LRRC72: variants seen among roughly 807,000 people sequenced by gnomAD.
LRRC72 encodes leucine-rich repeat-containing protein 72.
A neutral mutation model predicts 35.8 loss-of-function variants in LRRC72; 41 were observed. That is an observed-to-expected ratio of 1.15 (90% CI 0.89 to 1.49). The LOEUF (loss-of-function observed/expected upper bound fraction) is 1.49. LRRC72 is among the 40% of genes most tolerant of loss of function. The probability of loss-of-function intolerance (pLI) is 0.00; values close to 1 mark genes in which losing one functional copy is unlikely to be tolerated. For missense variants in LRRC72, 389 were observed against 330.7 expected (o/e 1.18, Z -1.37); for synonymous variants, 118 against 119.2 (o/e 0.99, Z 0.07).
intron 5 of LRRC72, among the ~76,000 whole-genome samples, chr7:16,564,666 T>C (rs1285811288): frequency 6.6e-6 from 1 of 152,216 alleles, no homozygotes; most frequent in African/African-American, 2.4e-5. Context: ...GTGTCTTCCA[T>C]TGCCTGCTTT....
chr7:16,560,575 G>T (rs1782728797), intron 5 of LRRC72, among the ~76,000 whole-genome samples: 1 of 151,960 alleles, frequency 6.6e-6, no homozygotes, highest in African/African-American at 2.4e-5. Context: ...GAAAAATGCT[G>T]CTATAATTAA....
intron 1 of LRRC72, among the ~76,000 whole-genome samples, chr7:16,527,283 T>C (rs1053626759): frequency 1.3e-5 from 2 of 152,206 alleles, no homozygotes; most frequent in Non-Finnish European, 2.9e-5. Flanking sequence ...CATCTCTGCC[T>C]GGGCTAGAGG....
chr7:16,545,812 C>T (rs1254756754), intron 3 of LRRC72, among the ~76,000 whole-genome samples: 1 of 151,788 alleles, frequency 6.6e-6, no homozygotes, highest in Non-Finnish European at 1.5e-5. Flanking sequence ...AAGATATGTA[C>T]AATACATATC....
At chr7:16,537,544 C>G (rs747580516) in intron 2 of LRRC72, 83 bp from the exon 3 acceptor site, 6 of 706,184 alleles carry the variant, frequency 8.5e-6, no homozygotes, top group African/African-American at 3.7e-5. Context: ...CTAGTTACTA[C>G]GAAGCCATAC....
chr7:16,536,304 T>C (rs940204850), intron 2 of LRRC72, among the ~76,000 whole-genome samples: 1 of 152,018 alleles, frequency 6.6e-6, no homozygotes. Context: ...CCAAAAAAAA[T>C]GTAGGAACAA....
At chr7:16,557,072 A>C (rs2128337157) in intron 3 of LRRC72, among the ~76,000 whole-genome samples, 1 of 152,302 alleles carries the variant, frequency 6.6e-6, no homozygotes, top group East Asian at 1.9e-4. Flanking sequence ...CAAAAGGGCT[A>C]GGCCAGGTTA....
chr7:16,573,028 A>C (rs1782974762), intron 7 of LRRC72, among the ~76,000 whole-genome samples: 1 of 152,220 alleles, frequency 6.6e-6, no homozygotes, highest in South Asian at 2.1e-4. Flanking sequence ...CAGAGAGCCA[A>C]ATCATGAGTG....
intron 5 of LRRC72, among the ~76,000 whole-genome samples, chr7:16,559,210 A>G (rs1047583177): frequency 1.3e-5 from 2 of 152,102 alleles, no homozygotes; most frequent in Non-Finnish European, 2.9e-5. Context: ...CCTGAGCAAC[A>G]TGGCAAAACC....
intron 3 of LRRC72, among the ~76,000 whole-genome samples, chr7:16,549,280 G>T (rs1782507121): frequency 6.6e-6 from 1 of 152,192 alleles, no homozygotes; most frequent in African/African-American, 2.4e-5. Flanking sequence ...TAAGGTAACA[G>T]AATTTCCATG....
At chr7:16,534,200 G>C (rs1255272469) in intron 2 of LRRC72, among the ~76,000 whole-genome samples, 1 of 152,158 alleles carries the variant, frequency 6.6e-6, no homozygotes, top group Non-Finnish European at 1.5e-5. Context: ...GTGTTCTTGA[G>C]TGATCATGGA....
chr7:16,540,268 C>A (rs1782334404), intron 3 of LRRC72, among the ~76,000 whole-genome samples: 1 of 152,210 alleles, frequency 6.6e-6, no homozygotes, highest in Non-Finnish European at 1.5e-5. Flanking sequence ...CTGACTGCCC[C>A]ACCTGGTTTC....
intron 3 of LRRC72, among the ~76,000 whole-genome samples, chr7:16,544,564 C>G (rs1342246970): frequency 6.6e-6 from 1 of 152,184 alleles, no homozygotes; most frequent in Non-Finnish European, 1.5e-5. Flanking sequence ...GAAATTCATT[C>G]TTTCCAGCCT....
chr7:16,561,062 T>TA (rs1782736932), intron 5 of LRRC72, among the ~76,000 whole-genome samples: 1 of 152,194 alleles, frequency 6.6e-6, no homozygotes, highest in Admixed American at 6.5e-5. Flanking sequence ...TACTTATCAT[T>TA]TATTTATTCA....
chr7:16,560,164 A>G (rs1420819881), intron 5 of LRRC72, among the ~76,000 whole-genome samples: 3 of 152,370 alleles, frequency 2.0e-5, no homozygotes, highest in Non-Finnish European at 2.9e-5. Context: ...TTTAGAGTTT[A>G]GAGACCTCTT....
intron 1 of LRRC72, 83 bp from the exon 2 acceptor site, chr7:16,532,412 A>T (rs1172227674): frequency 4.5e-6 from 4 of 889,840 alleles, no homozygotes; most frequent in Non-Finnish European, 7.3e-6. Context: ...ATCTTCTTGT[A>T]GACGTTATTG....
rs1251263058 is a variant in LRRC72 at position 16,565,701 on chromosome 7, G to C, written c.428-612G>C. Among the ~76,000 whole-genome samples, 3 of 152,118 alleles carry C rather than the reference G, an allele frequency of 2.0e-5. No individual in the cohort carries two copies. In the South Asian group the frequency reaches 6.2e-4, roughly 32 times the overall value. On this transcript the variant is annotated intron_variant, in intron 5 of 8. Coordinates refer to ENST00000401542, the MANE Select transcript of LRRC72 (RefSeq NM_001195280.2). ...GAAGTGCGGTTTATCACACATCCTA[G>C]CACCTGCACACCAGGATCTCAGAAC...
chr7:16,569,170 G>A (rs1782899691), intron 7 of LRRC72, among the ~76,000 whole-genome samples: 1 of 152,180 alleles, frequency 6.6e-6, no homozygotes, highest in African/African-American at 2.4e-5. Flanking sequence ...GTTCACACCT[G>A]TAATCCCAGC....
At chr7:16,551,594 T>G (rs1782550306) in intron 3 of LRRC72, among the ~76,000 whole-genome samples, 1 of 152,114 alleles carries the variant, frequency 6.6e-6, no homozygotes, top group African/African-American at 2.4e-5. Context: ...GCCTATGTAA[T>G]AAAGCTTTCA....
chr7:16,580,682 C>T (rs1264712843), intron 8 of LRRC72, among the ~76,000 whole-genome samples: 1 of 152,096 alleles, frequency 6.6e-6, no homozygotes, highest in Non-Finnish European at 1.5e-5. Flanking sequence ...TAACTATTAG[C>T]TATTCTGAAA....
Sources: allele counts gnomAD v4.1 joint callset (sites outside exome capture counted in the v4.1 genomes callset), GRCh38; gene constraint gnomAD v4.1.1; transcripts MANE v1.5; gene names NCBI Gene and HGNC (gene_info 2026-07-23, HGNC 2026-07-21).